Variants in CGN observed in about 807,000 individuals in gnomAD.
CGN encodes cingulin.
CGN carries 121 observed loss-of-function variants against 157.1 expected under a neutral mutation model. That is an observed-to-expected ratio of 0.77 (90% CI 0.66 to 0.90). The LOEUF (loss-of-function observed/expected upper bound fraction) is 0.90. Ranked by LOEUF, CGN falls within the 40% of genes least tolerant of loss-of-function variation. The probability of loss-of-function intolerance (pLI) is 0.00; values close to 1 mark genes in which losing one functional copy is unlikely to be tolerated. For synonymous variants in CGN, 535 were observed against 607.5 expected, an observed-to-expected ratio of 0.88 and a Z score of 1.76; for missense variants, 1,424 against 1,520.9, an observed-to-expected ratio of 0.94 and a Z score of 1.06.
chr1:151,523,586 C>G (rs752771462), intron 6 of CGN, 25 bp downstream of exon 6: 12 of 1,578,596 alleles, frequency 7.6e-6, no homozygotes, highest in Non-Finnish European at 1.0e-5. Flanking sequence ...TGGCGCACCT[C>G]GGGCTGCTTG....
At chr1:151,525,616 TG>T in intron 8 of CGN, 25 bp from the exon 9 acceptor site, 1 of 1,539,022 alleles carries the variant, frequency 6.5e-7, no homozygotes, top group Non-Finnish European at 8.7e-7. Flanking sequence ...CTGAGCCTTC[TG>T]GTGTCCAACT....
chr1:151,512,514 C>T (rs1664324073), intron 1 of CGN, among the ~76,000 whole-genome samples: 1 of 152,166 alleles, frequency 6.6e-6, no homozygotes, highest in African/African-American at 2.4e-5. Flanking sequence ...AGGAAATAGG[C>T]AGGACTCATC....
At chr1:151,518,333 T>C (rs1013571686) in intron 1 of CGN, among the ~76,000 whole-genome samples, 173 bp from the exon 2 acceptor site, 3 of 152,024 alleles carry the variant, frequency 2.0e-5, no homozygotes, top group Non-Finnish European at 2.9e-5. Flanking sequence ...AATCAGAAGC[T>C]CTGGAGGTTA....
In CGN at chr1:151,524,320, G is replaced by A; in HGVS notation, c.1363G>A (p.Val455Ile). ...GGAGCTGCAGAACAAGCTGAAACATGTCCAGGGTCCTGAGCCTGCTAAGGA... is the reference window on the plus strand; with the variant it reads ...GGAGCTGCAGAACAAGCTGAAACATATCCAGGGTCCTGAGCCTGCTAAGGA... The part of the protein sequence containing the change: ...VMELQNKLKH[V>I]QGPEPAKEVL... Residue 455 changes from valine to isoleucine, a missense_variant, in exon 7 of 21, where the codon GTC becomes ATC. This residue lies in a region of CGN where 1,187 missense variants were observed against 1,217.6 expected (regional missense o/e 0.97). Transcript: ENST00000271636. The surrounding 1 kb of genome is among the most constrained non-coding windows in gnomAD (Gnocchi z 4.4). 1.2e-6 allele frequency: 2 copies of A among 1,614,152 alleles called. No individual in the cohort carries two copies. The highest frequency in any genetic ancestry group is 1.7e-6 in the Non-Finnish European group (2 of 1,180,024).
At chr1:151,529,828 G>A (rs1036199156) in intron 11 of CGN, 81 bp from the exon 12 acceptor site, 5 of 1,322,380 alleles carry the variant, frequency 3.8e-6, no homozygotes, top group Admixed American at 4.3e-5. Context: ...GCTTTCCTGG[G>A]TGTGGTCAAT....
Position 151,520,448 on chromosome 1 carries a change from GTTAGTT to G in CGN, c.1011_1016del (p.Ser338_Leu339del). On this transcript the variant is annotated inframe_deletion, in exon 4 of 21. Transcript: ENST00000271636. Reference sequence around the variant, plus strand: ...AAGTGAAACCTCTGTGAGGAGGAAGGTTAGTTTGGTGCTGGAGAAGATGCAGCCTCT... The same window carrying G: ...AAGTGAAACCTCTGTGAGGAGGAAGGTGGTGCTGGAGAAGATGCAGCCTCT... 2.5e-6 allele frequency: 4 copies of G among 1,614,196 alleles called. No homozygotes were observed. Among genetic ancestry groups the G allele is most frequent in the Non-Finnish European group, 3.4e-6 (4 of 1,180,034 alleles).
At chr1:151,514,074 G>A (rs1026779489) in intron 1 of CGN, among the ~76,000 whole-genome samples, 3 of 152,208 alleles carry the variant, frequency 2.0e-5, no homozygotes, top group Admixed American at 6.5e-5. Context: ...AACCAAAGGC[G>A]GGTAGGTTTC....
In CGN at chr1:151,532,164, G is replaced by A. The variant is rs191314848; in HGVS notation, c.2572-238G>A. On this transcript the variant is annotated intron_variant, in intron 13 of 20. Coordinates refer to ENST00000271636, the MANE Select transcript of CGN (RefSeq NM_020770.3). ...ATTTTTAATCCCATTTTACAGATGG[G>A]GGACTGAGACCCAGAGAGATAAGTA... Among the ~76,000 whole-genome samples the A allele has an allele frequency of 3.3e-3, 504 of 152,220 alleles. 3 individuals are homozygous for A. The highest frequency in any genetic ancestry group is 5.4e-3 in the Non-Finnish European group (364 of 68,002).
Position 151,534,118 on chromosome 1 carries a change from G to A in CGN, c.2886G>A (p.Arg962=). The A allele has an allele frequency of 6.3e-7, 1 of 1,596,698 alleles. No homozygotes were observed. The highest frequency in any genetic ancestry group is 2.3e-5 in the East Asian group (1 of 44,000). Residue 962 remains arginine (R), a synonymous_variant, in exon 15 of 21, where the codon CGG becomes CGA. Transcript: ENST00000271636. ...NKKRSQDDRA[R]QLKGLEEKVS... ...AGCGTTCCCAGGACGACAGGGCCCG[G>A]CAGCTGAAGGGTCTCGAGGTGAGGG...
chr1:151,528,412 C>A (rs1227115127), intron 10 of CGN, among the ~76,000 whole-genome samples: 2 of 75,648 alleles, frequency 2.6e-5, no homozygotes, highest in Non-Finnish European at 5.4e-5. Flanking sequence ...TGTGTACAAT[C>A]CAATGGGTTT....
At chr1:151,521,353 T>G (rs1009093227) in intron 5 of CGN, among the ~76,000 whole-genome samples, 14 of 152,250 alleles carry the variant, frequency 9.2e-5, no homozygotes, top group African/African-American at 3.4e-4. Context: ...GTGTAATGAT[T>G]AAGTGATTGG....
Position 151,519,040 on chromosome 1 carries a change from C to A in CGN, c.521C>A (p.Pro174His), listed in dbSNP as rs1664478472. ...ASPGSTIDTA[P>H]LSSVDSLINK... is the part of the protein sequence containing the mutation. ...CCAGGTAGCACCATTGACACTGCTCCCCTGTCTTCAGTGGACTCACTCATC... is the reference window on the plus strand; with the variant it reads ...CCAGGTAGCACCATTGACACTGCTCACCTGTCTTCAGTGGACTCACTCATC... The change falls in exon 2 of 21, where the codon CCC becomes CAC. Residue 174 changes from proline (P) to histidine (H), a missense_variant. This residue lies in a region of CGN where 1,187 missense variants were observed against 1,217.6 expected (regional missense o/e 0.97). Transcript: ENST00000271636. 3.1e-6 allele frequency: 5 copies of A among 1,614,068 alleles called. No individual in the cohort carries two copies. The African/African-American group carries it at 6.7e-5, about 22-fold the overall frequency.
At chr1:151,537,030 T>C in intron 20 of CGN, 137 bp downstream of exon 20, 1 of 1,181,368 alleles carries the variant, frequency 8.5e-7, no homozygotes, top group Non-Finnish European at 1.2e-6. Context: ...AGCCAGTATA[T>C]TTATTTATTA....
At chr1:151,535,519 A>G (rs1664948745) in intron 16 of CGN, 81 bp from the exon 17 acceptor site, 10 of 1,141,776 alleles carry the variant, frequency 8.8e-6, no homozygotes, top group Middle Eastern at 2.8e-4. Context: ...CCATCCTCCC[A>G]TGACTCAGCC....
chr1:151,521,109 A>G (rs1364471594), intron 5 of CGN, among the ~76,000 whole-genome samples: 1 of 152,188 alleles, frequency 6.6e-6, no homozygotes, highest in Admixed American at 6.5e-5. Context: ...TACCCTGTGA[A>G]TACCTATTCT....
Position 151,524,153 on chromosome 1 carries a change from T to C in CGN, c.1269-73T>C, listed in dbSNP as rs1042894621. 5.9e-5 allele frequency: 80 copies of C among 1,346,102 alleles called. No individual in the cohort carries two copies. The highest frequency in any genetic ancestry group is 4.0e-4 in the South Asian group (30 of 74,090). 83.4% of individuals were successfully genotyped at this position (1,346,102 alleles called of 1,614,324 possible). A position where few individuals can be genotyped will look rare whatever the true frequency, so the allele number is the denominator to read the frequency against. ...AAGGAAGTTTAAATGCATTAATAAA[T>C]ATGAATTAAAATATATGATGCGTTT... On this transcript the variant is annotated intron_variant, in intron 6 of 20. Transcript: ENST00000271636. This position sits in a 1 kb window ranked among gnomAD's most constrained non-coding sequence, Gnocchi z 4.4.
Position 151,530,122 on chromosome 1 carries a change from G to A in CGN, c.2313+7G>A. On this transcript the variant is annotated splice_region_variant and intron_variant, in intron 12 of 20. Coordinates refer to ENST00000271636, the MANE Select transcript of CGN (RefSeq NM_020770.3). ...CAAGCTGCAGCGGCTGGAGGTCAGTGGTTCTGCCCTCCCAGCCCTCTCTGC... is the reference window on the plus strand; with the variant it reads ...CAAGCTGCAGCGGCTGGAGGTCAGTAGTTCTGCCCTCCCAGCCCTCTCTGC... The A allele has an allele frequency of 6.2e-7, 1 of 1,607,202 alleles. No homozygotes were observed. Among genetic ancestry groups the A allele is most frequent in the African/African-American group, 1.3e-5 (1 of 74,942 alleles).
intron 1 of CGN, among the ~76,000 whole-genome samples, chr1:151,516,814 T>A (rs970517875): frequency 3.3e-5 from 5 of 150,848 alleles, no homozygotes; most frequent in African/African-American, 1.2e-4. Context: ...AATGCTGGGA[T>A]TACAGGCGTG....
At chr1:151,530,385 A>G in intron 12 of CGN, 104 bp from the exon 13 acceptor site, 1 of 1,374,600 alleles carries the variant, frequency 7.3e-7, no homozygotes, top group East Asian at 2.3e-5. Flanking sequence ...ATTGCACATC[A>G]TTTTCATAAA....
Sources: gnomAD v4.1 joint callset for allele counts (sites outside exome capture counted in the v4.1 genomes callset) on GRCh38, gnomAD v4.1.1 for gene constraint, gnomAD v4.1.1 regional missense constraint, Gnocchi (gnomAD v3.1) non-coding constraint, MANE v1.5 for transcripts, NCBI Gene and HGNC (gene_info 2026-07-23, HGNC 2026-07-21) for gene names.